Variants in ZNF486 observed in about 807,000 individuals in gnomAD.
The protein encoded by ZNF486 is KRAB box only protein 2.
A neutral mutation model predicts 12.8 loss-of-function variants in ZNF486; 12 were observed. The ratio of observed to expected loss-of-function variants is 0.94; its 90% CI spans 0.60 to 1.52. The LOEUF is 1.52. Ranked by LOEUF, ZNF486 falls within the 40% of genes most tolerant of loss-of-function variation. The pLI is 0.00. For missense variants in ZNF486, 738 were observed against 545.0 expected (o/e 1.35, Z -3.53); for synonymous variants, 231 against 184.9 (o/e 1.25, Z -2.02).
chr19:20,178,291 G>T (rs57454631), intron 1 of ZNF486, among the ~76,000 whole-genome samples: 5,255 of 151,834 alleles, frequency 0.035, 338 homozygotes, highest in African/African-American at 0.12. Flanking sequence ...ACCCAGGCTG[G>T]AGTGTGCTGT....
intron 1 of ZNF486, among the ~76,000 whole-genome samples, chr19:20,183,201 G>A (rs879989867): frequency 6.6e-6 from 1 of 152,146 alleles, no homozygotes; most frequent in Admixed American, 6.5e-5. Context: ...TGTTCCCTTT[G>A]TGGCTGTTGA....
chr19:20,188,508 A>G, intron 3 of ZNF486: 1 of 398,254 alleles, frequency 2.5e-6, no homozygotes, highest in Non-Finnish European at 4.4e-6. Flanking sequence ...AGATATGGAG[A>G]CCCCTCTTTA....
At chr19:20,182,473 G>T (rs1365716112) in intron 1 of ZNF486, among the ~76,000 whole-genome samples, 2 of 152,026 alleles carry the variant, frequency 1.3e-5, no homozygotes, top group Non-Finnish European at 2.9e-5. Flanking sequence ...TTTTAATGAA[G>T]GGTCTCATGT....
rs2089977330 is a variant in ZNF486, at chr19:20,197,911, A to G, written c.1201A>G (p.Thr401Ala). ...CCTCCATAAACATAGGAGAACTCAT[A>G]CTGGAGAGAAACCCTACAAATGTGA... ...AGLHKHRRTHTGEKPYKCEEC... is the reference protein window; with the variant it reads ...AGLHKHRRTHAGEKPYKCEEC... The change falls in exon 4 of 4, where the codon ACT (threonine) becomes GCT (alanine). Residue 401 changes from threonine (T) to alanine (A), a missense_variant. Physicochemically the swap from Thr to Ala is moderately conservative, Grantham distance 58 (BLOSUM62 0). Coordinates refer to ENST00000335117, the MANE Select transcript of ZNF486 (RefSeq NM_052852.4). The G allele has an allele frequency of 1.2e-6, 2 of 1,613,458 alleles. No homozygotes were observed. The highest frequency in any genetic ancestry group is 1.7e-6 in the Non-Finnish European group (2 of 1,179,786).
At position 20,197,420 on chromosome 19, in the gene ZNF486, C is replaced by T; in HGVS notation, c.710C>T (p.Pro237Leu). The change falls in exon 4 of 4, where the codon CCC (proline) becomes CTC (leucine). Residue 237 changes from proline to leucine, a missense_variant. Physicochemically the swap from Pro to Leu is moderately conservative, Grantham distance 98. Coordinates refer to ENST00000335117, the MANE Select transcript of ZNF486 (RefSeq NM_052852.4). ...AAGATAACTCATACTAGAGAGAAAC[C>T]CTACAAATGTGAAGAATGTGGCAAA... The part of the protein sequence containing the change: ...THKITHTREK[P>L]YKCEECGKVF... 1 of 1,613,582 alleles carries T rather than the reference C, an allele frequency of 6.2e-7. No individual in the cohort carries two copies. The highest frequency in any genetic ancestry group is 8.5e-7 in the Non-Finnish European group (1 of 1,179,756).
At chr19:20,171,440 C>A (rs1215560782) in intron 1 of ZNF486, among the ~76,000 whole-genome samples, 1 of 152,254 alleles carries the variant, frequency 6.6e-6, no homozygotes, top group Non-Finnish European at 1.5e-5. Context: ...TCAGAAACTT[C>A]ACCACGGCAT....
At position 20,197,050 on chromosome 19, in the gene ZNF486, A is replaced by T. The variant is rs782443848; in HGVS notation, c.340A>T (p.Lys114Ter). ...YQKVILRKFE[K>*]CGHGNLHFKK... The stretch of plus-strand genomic sequence containing the variant: ...AAAAGTGATACTGAGAAAATTTGAA[A>T]AATGTGGACATGGCAATTTACACTT... Residue 114 changes from lysine (K) to a stop codon, truncating the protein, a stop_gained, in exon 4 of 4, where the codon AAA (lysine) becomes TAA (stop). Transcript: ENST00000335117. LOFTEE classifies it low-confidence loss of function (END_TRUNC). The T allele has an allele frequency of 6.2e-7, 1 of 1,611,202 alleles. No individual in the cohort carries two copies. The highest frequency in any genetic ancestry group is 1.1e-5 in the South Asian group (1 of 90,190).
At chr19:20,191,638 T>C (rs2089904157) in intron 3 of ZNF486, among the ~76,000 whole-genome samples, 1 of 150,418 alleles carries the variant, frequency 6.6e-6, no homozygotes, top group Non-Finnish European at 1.5e-5. Context: ...GGCATGGTGG[T>C]GGGCGCCTGT....
At chr19:20,180,015 C>A (rs531728458) in intron 1 of ZNF486, among the ~76,000 whole-genome samples, 1 of 152,320 alleles carries the variant, frequency 6.6e-6, no homozygotes, top group Admixed American at 6.5e-5. Flanking sequence ...GGAGCTCCAC[C>A]AAGGCAGTTG....
At position 20,187,433 on chromosome 19, in the gene ZNF486, C is replaced by A. The variant is rs1463460737; in HGVS notation, c.253+1351C>A. ...TTCCAGTGCTACATTAAAATAGAAGCATTGACAATGGGCACAATATAGTTT... is the reference window on the plus strand; with the variant it reads ...TTCCAGTGCTACATTAAAATAGAAGAATTGACAATGGGCACAATATAGTTT... On this transcript the variant is annotated intron_variant, in intron 3 of 3. Transcript: ENST00000335117. Among the ~76,000 whole-genome samples the A allele has an allele frequency of 2.0e-5, 3 of 151,326 alleles. No individual in the cohort carries two copies. In the East Asian group the frequency reaches 5.8e-4, roughly 29 times the overall value.
chr19:20,177,352 A>C (rs556471968), intron 1 of ZNF486, among the ~76,000 whole-genome samples: 1 of 152,320 alleles, frequency 6.6e-6, no homozygotes, highest in East Asian at 1.9e-4. Context: ...TGCTAAAATA[A>C]CTCCTGTTAT....
chr19:20,187,603 G>A (rs1294092032), intron 3 of ZNF486, among the ~76,000 whole-genome samples: 4 of 148,316 alleles, frequency 2.7e-5, no homozygotes, highest in Non-Finnish European at 4.4e-5. Flanking sequence ...CCGGGTTCAC[G>A]CCATTCTCCT....
intron 2 of ZNF486, among the ~76,000 whole-genome samples, chr19:20,185,404 G>GTTTTTTTTTTT (rs782413355): frequency 7.8e-3 from 542 of 69,568 alleles, no homozygotes; most frequent in Non-Finnish European, 9.5e-3. Context: ...TATTGTTTAT[G>GTTTTTTTTTTT]TTTTTTTTTT....
intron 1 of ZNF486, among the ~76,000 whole-genome samples, chr19:20,179,855 T>G (rs909868364): frequency 8.5e-5 from 13 of 152,138 alleles, no homozygotes; most frequent in African/African-American, 2.4e-4. Context: ...GTGTAAATAA[T>G]CATCTTAGGA....
At chr19:20,195,652 C>A (rs189340353) in intron 3 of ZNF486, among the ~76,000 whole-genome samples, 4 of 152,128 alleles carry the variant, frequency 2.6e-5, no homozygotes, top group African/African-American at 9.7e-5. Context: ...TTTGTCCTGG[C>A]GTAGCATGAA....
chr19:20,196,990 C>A lies in ZNF486; in HGVS notation c.280C>A (p.Leu94Ile). ...PVVCSHFAQD[L>I]WPEQSIKDSY... ...TGTGTGTTCTCATTTTGCCCAAGAC[C>A]TTTGGCCAGAGCAGAGCATAAAAGA... The change falls in exon 4 of 4, where the codon CTT (leucine) becomes ATT (isoleucine). Residue 94 changes from leucine to isoleucine, a missense_variant. Coordinates refer to ENST00000335117, the MANE Select transcript of ZNF486 (RefSeq NM_052852.4). 6.4e-7 allele frequency: 1 copy of A among 1,568,592 alleles called. No individual in the cohort carries two copies.
intron 1 of ZNF486, among the ~76,000 whole-genome samples, chr19:20,181,536 C>CAA (rs1437604897): frequency 3.5e-5 from 3 of 85,770 alleles, no homozygotes; most frequent in African/African-American, 8.9e-5. Context: ...GACTCCATCT[C>CAA]AAAAAACAAA....
Position 20,167,227 on chromosome 19 carries a change from T to C in ZNF486, c.-104T>C. On this transcript the variant is annotated 5_prime_UTR_variant, in exon 1 of 4. Coordinates refer to ENST00000335117, the MANE Select transcript of ZNF486 (RefSeq NM_052852.4). ...GGCGCGGCCTTTGTCTCTCGCTGCA[T>C]CTGGAGCTCTAGGTCGCCTCTTCGC... 7.0e-7 allele frequency: 1 copy of C among 1,426,814 alleles called. No homozygotes were observed. Among genetic ancestry groups the C allele is most frequent in the African/African-American group, 1.4e-5 (1 of 71,158 alleles). The allele number at this position is 1,426,814 out of a possible 1,614,324, so 88.4% of individuals were successfully genotyped here.
intron 1 of ZNF486, 110 bp downstream of exon 1, chr19:20,167,470 C>A: frequency 7.7e-7 from 1 of 1,303,778 alleles, no homozygotes; most frequent in Non-Finnish European, 1.1e-6. Flanking sequence ...TGCGTCCGGA[C>A]TTCTCCTTAC....
Sources: gnomAD v4.1 joint callset for allele counts (sites outside exome capture counted in the v4.1 genomes callset) on GRCh38, gnomAD v4.1.1 for gene constraint, MANE v1.5 for transcripts, NCBI Gene and HGNC (gene_info 2026-07-23, HGNC 2026-07-21) for gene names.